CACNA2D3: variants seen among roughly 807,000 people sequenced by gnomAD.
CACNA2D3 encodes calcium voltage-gated channel auxiliary subunit alpha2delta 3.
Under a neutral mutation model 160.6 loss-of-function variants are expected in CACNA2D3, and 60 were observed. The observed-to-expected ratio is 0.37, with a 90% CI of 0.30 to 0.46. The LOEUF is 0.46. Among genes scored for constraint, CACNA2D3 ranks in the 20% least tolerant of loss-of-function variants. The pLI is 1.00. For missense variants in CACNA2D3, 1,205 were observed against 1,365.0 expected (o/e 0.88, Z 1.85); for synonymous variants, 558 against 492.9 (o/e 1.13, Z -1.75).
At chr3:54,165,113 C>CTTTT (rs1700425371) in intron 2 of CACNA2D3, among the ~76,000 whole-genome samples, 18 of 61,298 alleles carry the variant, frequency 2.9e-4, no homozygotes, top group African/African-American at 5.9e-4. Flanking sequence ...CTCTGAATCT[C>CTTTT]ATTTTTTTTT....
chr3:54,505,285 A>G (rs1701351658), intron 5 of CACNA2D3, among the ~76,000 whole-genome samples: 1 of 152,210 alleles, frequency 6.6e-6, no homozygotes, highest in African/African-American at 2.4e-5. Context: ...AACACCATGT[A>G]TCACATATTG....
At chr3:55,014,697 A>T (rs1471616027) in intron 34 of CACNA2D3, among the ~76,000 whole-genome samples, 2 of 152,144 alleles carry the variant, frequency 1.3e-5, no homozygotes, top group Non-Finnish European at 2.9e-5. Context: ...ACAGCACTGT[A>T]CTCCAGACTG....
Position 54,236,524 on chromosome 3 carries a change from G to A in CACNA2D3, c.205-83918G>A, listed in dbSNP as rs181036404. On this transcript the variant is annotated intron_variant, in intron 2 of 37. Transcript: ENST00000474759. ...TCTGGAATTATTGTCACTTTTGACT[G>A]AACAGCAGGATGTCAAGTCAACATG... Among the ~76,000 whole-genome samples, 531 of 152,218 alleles carry A rather than the reference G, an allele frequency of 3.5e-3. 2 individuals carry two copies. Among genetic ancestry groups the A allele is most frequent in the Non-Finnish European group, 5.9e-3 (399 of 68,016 alleles).
intron 27 of CACNA2D3, among the ~76,000 whole-genome samples, chr3:54,945,004 T>C (rs965843522): frequency 1.3e-5 from 2 of 152,094 alleles, no homozygotes; most frequent in African/African-American, 4.8e-5. Flanking sequence ...TACTATTGGG[T>C]GAATCAATGA....
intron 27 of CACNA2D3, among the ~76,000 whole-genome samples, chr3:54,929,847 C>A (rs1255705995): frequency 1.3e-5 from 2 of 152,120 alleles, no homozygotes; most frequent in African/African-American, 4.8e-5. Flanking sequence ...CCATCAATGG[C>A]CCCCATTAGC....
At chr3:54,879,466 A>T (rs774410417) in intron 20 of CACNA2D3, 55 bp downstream of exon 20, 2 of 1,282,868 alleles carry the variant, frequency 1.6e-6, no homozygotes, top group East Asian at 4.6e-5. Flanking sequence ...TTGTGTTTGT[A>T]CAAAACCTGC....
intron 23 of CACNA2D3, among the ~76,000 whole-genome samples, chr3:54,887,108 G>C (rs1185843180): frequency 6.6e-6 from 1 of 152,102 alleles, no homozygotes. Context: ...CCTTTGGATG[G>C]CAACAGACAT....
chr3:54,717,855 TATGTGCGTGCGTGTGTGTGGTGG>T (rs1490968002), intron 11 of CACNA2D3, among the ~76,000 whole-genome samples: 8 of 144,208 alleles, frequency 5.5e-5, no homozygotes, highest in African/African-American at 2.1e-4. Context: ...GTGTGTGGTG[TATGTGCGTGCGTGTGTGTGGTGG>T]GTGTGTGTGC....
At chr3:54,871,078 A>ACACACACACC (rs1553897677) in intron 17 of CACNA2D3, among the ~76,000 whole-genome samples, 3 of 108,142 alleles carry the variant, frequency 2.8e-5, no homozygotes, top group Non-Finnish European at 3.9e-5. Flanking sequence ...ACACACACAC[A>ACACACACACC]CACACACACA....
intron 13 of CACNA2D3, among the ~76,000 whole-genome samples, chr3:54,770,302 C>T (rs1702296825): frequency 1.3e-5 from 2 of 152,184 alleles, no homozygotes; most frequent in Admixed American, 6.5e-5. Context: ...TGCATTCCTA[C>T]ACATGATGTT....
intron 17 of CACNA2D3, among the ~76,000 whole-genome samples, chr3:54,851,395 A>G (rs1179189097): frequency 1.3e-5 from 2 of 152,200 alleles, no homozygotes; most frequent in African/African-American, 4.8e-5. Context: ...TCCTCATGTT[A>G]CAGATGGGAA....
chr3:54,642,626 T>C (rs887739890), intron 11 of CACNA2D3, among the ~76,000 whole-genome samples: 1 of 152,074 alleles, frequency 6.6e-6, no homozygotes, highest in African/African-American at 2.4e-5. Context: ...CCTTTACATA[T>C]TGTGTTTGTA....
intron 3 of CACNA2D3, among the ~76,000 whole-genome samples, chr3:54,371,118 C>G (rs1365320216): frequency 2.6e-5 from 4 of 152,068 alleles, no homozygotes; most frequent in African/African-American, 9.7e-5. Flanking sequence ...TTCATCAGTT[C>G]TTGGACATTT....
intron 31 of CACNA2D3, among the ~76,000 whole-genome samples, chr3:55,001,230 G>A (rs1233879242): frequency 1.3e-5 from 2 of 152,186 alleles, no homozygotes; most frequent in Non-Finnish European, 2.9e-5. Context: ...TTGTATTGCA[G>A]TAGCAAGCAT....
chr3:55,020,827 G>A (rs1327595794), intron 35 of CACNA2D3, among the ~76,000 whole-genome samples: 1 of 151,102 alleles, frequency 6.6e-6, no homozygotes, highest in Non-Finnish European at 1.5e-5. Context: ...CTCCAGCCCG[G>A]CAACAGAGCT....
At chr3:54,791,064 T>C (rs931437946) in intron 13 of CACNA2D3, among the ~76,000 whole-genome samples, 1 of 151,968 alleles carries the variant, frequency 6.6e-6, no homozygotes, top group African/African-American at 2.4e-5. Context: ...CTTTCTGTTA[T>C]GGGTAGTCTA....
intron 2 of CACNA2D3, among the ~76,000 whole-genome samples, chr3:54,253,415 C>T (rs1435942349): frequency 6.6e-6 from 1 of 152,098 alleles, no homozygotes; most frequent in Non-Finnish European, 1.5e-5. Context: ...AGGCAGGTCA[C>T]ATGGCTGGAG....
chr3:55,069,780 G>T (rs1185868599), intron 35 of CACNA2D3, among the ~76,000 whole-genome samples: 1 of 152,164 alleles, frequency 6.6e-6, no homozygotes, highest in African/African-American at 2.4e-5. Context: ...TTGGCCAAAT[G>T]TAGATAATTT....
chr3:54,306,038 A>C (rs1267535964), intron 2 of CACNA2D3, among the ~76,000 whole-genome samples: 1 of 151,898 alleles, frequency 6.6e-6, no homozygotes, highest in Non-Finnish European at 1.5e-5. Context: ...TTATGTTTTA[A>C]ACAGTTTTGA....
Sources: allele counts gnomAD v4.1 joint callset (sites outside exome capture counted in the v4.1 genomes callset), GRCh38; gene constraint gnomAD v4.1.1; transcripts MANE v1.5; gene names NCBI Gene and HGNC (gene_info 2026-07-23, HGNC 2026-07-21).